The following CCDC88A variants were observed in gnomAD, a reference collection of about 807,000 sequenced individuals.
CCDC88A encodes the protein coiled-coil and HOOK domain protein 88A.
CCDC88A carries 54 observed loss-of-function variants against 234.3 expected under a neutral mutation model. The ratio of observed to expected loss-of-function variants is 0.23; its 90% CI spans 0.19 to 0.29. CCDC88A has a LOEUF of 0.29. CCDC88A is among the 10% of genes least tolerant of loss of function. The pLI is 1.00. For synonymous variants in CCDC88A, 753 were observed against 737.8 expected, an observed-to-expected ratio of 1.02 and a Z score of -0.33; for missense variants, 1,832 against 2,123.4, an observed-to-expected ratio of 0.86 and a Z score of 2.70.
At chr2:55,323,958 C>T (rs1355758413) in intron 17 of CCDC88A, 1 of 152,224 alleles carries the variant, frequency 6.6e-6, no homozygotes, top group Non-Finnish European at 1.5e-5. Flanking sequence ...GCTATCCACC[C>T]ACCTTGGCCT....
In CCDC88A at chr2:55,301,855, T is replaced by G. The variant is rs770742464; in HGVS notation, c.4672+17A>C. 1.9e-6 allele frequency: 3 copies of G among 1,608,672 alleles called. No homozygotes were observed. The highest frequency in any genetic ancestry group is 2.7e-5 in the African/African-American group (2 of 74,806). On this transcript the variant is annotated intron_variant, in intron 27 of 32. Transcript: ENST00000436346. The stretch of plus-strand genomic sequence containing the variant: ...GCCAACAATTACACCACAGTGCAAA[T>G]AGCAGACAGCCTATACCTTTATTAT...
At position 55,312,610 on chromosome 2, in the gene CCDC88A, C is replaced by G. The variant is rs376775770; in HGVS notation, c.3934-31G>C. The G allele has an allele frequency of 6.0e-6, 9 of 1,505,910 alleles. No individual in the cohort carries two copies. The East Asian group carries it at 2.0e-4, about 34-fold the overall frequency. The allele number at this position is 1,505,910 out of a possible 1,614,324, so 93.3% of individuals were successfully genotyped here. A position where few individuals can be genotyped will look rare whatever the true frequency, so the allele number is the denominator to read the frequency against. ...TAAACACAAACATTTTTTAAAAAATCAACATTTACATTTAACATAAATCAA... is the reference window on the plus strand; with the variant it reads ...TAAACACAAACATTTTTTAAAAAATGAACATTTACATTTAACATAAATCAA... On this transcript the variant is annotated intron_variant, in intron 22 of 32. Transcript: ENST00000436346.
At chr2:55,295,120 C>T (rs1222763737) in intron 31 of CCDC88A, 2 of 1,304,730 alleles carry the variant, frequency 1.5e-6, no homozygotes, top group Non-Finnish European at 2.0e-6. Context: ...ACCAACAATG[C>T]AGCTTCTGTG....
Position 55,289,860 on chromosome 2 carries a change from T to C in CCDC88A, c.*1340A>G, listed in dbSNP as rs1679327221. ...AACCCACAACTCATAAACCACACAC[T>C]ATGGAATATGGAATTATTCCAAAAA... is the stretch of plus-strand genomic sequence containing the variant. On this transcript the variant is annotated 3_prime_UTR_variant, in exon 33 of 33. Coordinates refer to ENST00000436346, the MANE Select transcript of CCDC88A (RefSeq NM_001365480.1). 1 of 152,152 alleles carries C rather than the reference T, an allele frequency of 6.6e-6. No individual in the cohort carries two copies. The highest frequency in any genetic ancestry group is 2.4e-5 in the African/African-American group (1 of 41,370). The allele number at this position is 152,152 out of a possible 1,614,324, so 9.4% of individuals were successfully genotyped here.
At chr2:55,306,119 G>A (rs941065002) in intron 25 of CCDC88A, 2 of 152,090 alleles carry the variant, frequency 1.3e-5, no homozygotes, top group Non-Finnish European at 2.9e-5. Context: ...GTTTCACCAT[G>A]TTGGCCAGGA....
intron 7 of CCDC88A, among the ~76,000 whole-genome samples, chr2:55,360,353 T>C (rs571515630): frequency 2.8e-4 from 42 of 152,328 alleles, no homozygotes; most frequent in African/African-American, 3.6e-4. Context: ...TTGAATGACA[T>C]AGAATTAGAT....
chr2:55,388,018 T>C (rs1390066301), intron 3 of CCDC88A, among the ~76,000 whole-genome samples: 1 of 152,080 alleles, frequency 6.6e-6, no homozygotes, highest in East Asian at 1.9e-4. Flanking sequence ...CTGTAAAAGA[T>C]TGGAACAATA....
intron 11 of CCDC88A, 138 bp from the exon 12 acceptor site, chr2:55,343,930 A>T (rs1413352729): frequency 2.9e-6 from 2 of 692,696 alleles, no homozygotes; most frequent in Non-Finnish European, 4.6e-6. Context: ...TCAGTTTTGA[A>T]GGCAATTATA....
At position 55,385,754 on chromosome 2, in the gene CCDC88A, G is replaced by A. The variant is rs186371098; in HGVS notation, c.273+3024C>T. 2.0e-5 allele frequency among the ~76,000 whole-genome samples: 3 copies of A among 148,254 alleles called. No homozygotes were observed. In the Admixed American group the frequency reaches 2.1e-4, roughly 10 times the overall value. On this transcript the variant is annotated intron_variant, in intron 3 of 32. Coordinates refer to ENST00000436346, the MANE Select transcript of CCDC88A (RefSeq NM_001365480.1). ...TGTAGTCTCAGCTACTCAGGGGCCTGAGGCAGGAGAATCCCTTGAATCCGG... is the reference window on the plus strand; with the variant it reads ...TGTAGTCTCAGCTACTCAGGGGCCTAAGGCAGGAGAATCCCTTGAATCCGG...
At chr2:55,418,102 A>C (rs973179671) in intron 2 of CCDC88A, 3 of 152,302 alleles carry the variant, frequency 2.0e-5, no homozygotes, top group Middle Eastern at 6.8e-3. Context: ...TCAAAAGCAT[A>C]CTTTCCTACT....
chr2:55,373,669 C>T (rs150672183), intron 4 of CCDC88A, among the ~76,000 whole-genome samples: 89 of 152,210 alleles, frequency 5.8e-4, no homozygotes, highest in African/African-American at 2.1e-3. Context: ...AATGTATGTA[C>T]GATGGGAAAC....
intron 10 of CCDC88A, 100 bp downstream of exon 10, chr2:55,346,075 C>A: frequency 1.3e-6 from 1 of 760,524 alleles, no homozygotes; most frequent in Non-Finnish European, 2.1e-6. Context: ...ACTGTTTGTT[C>A]ACCATTTCAA....
chr2:55,409,898 GC>G (rs1414979884), intron 2 of CCDC88A, among the ~76,000 whole-genome samples: 8 of 151,982 alleles, frequency 5.3e-5, no homozygotes, highest in Admixed American at 4.6e-4. Flanking sequence ...CCGCCAACAT[GC>G]CCTGCTAATT....
rs1385990904 is a variant in CCDC88A at position 55,335,792 on chromosome 2, T to C, written c.1657-628A>G. On this transcript the variant is annotated intron_variant, in intron 14 of 32. Transcript: ENST00000436346. This position sits in a 1 kb window ranked among gnomAD's most constrained non-coding sequence, Gnocchi z 4.5. ...CTCAACAAGCTTGGAAAAATGAAGA[T>C]TGAAGCTTAGTCTAGAATTTTGGTT... is the stretch of plus-strand genomic sequence containing the variant. Among the ~76,000 whole-genome samples the C allele has an allele frequency of 1.3e-5, 2 of 152,162 alleles. No homozygotes were observed. The highest frequency in any genetic ancestry group is 2.4e-5 in the African/African-American group (1 of 41,438).
chr2:55,294,641 A>C (rs1679810004), intron 31 of CCDC88A: 1 of 925,276 alleles, frequency 1.1e-6, no homozygotes, highest in Non-Finnish European at 1.3e-6. Flanking sequence ...AGAGCAAGTG[A>C]GGGGTGGGAA....
At chr2:55,294,328 A>T (rs1313471765) in intron 31 of CCDC88A, 4 of 983,906 alleles carry the variant, frequency 4.1e-6, no homozygotes, top group Non-Finnish European at 4.8e-6. Context: ...CAGAGAAGAA[A>T]CAATAAATAC....
rs150001862 is a variant in CCDC88A, at chr2:55,363,997, C to A, written c.439G>T (p.Gly147Cys). 1 of 1,594,042 alleles carries A rather than the reference C, an allele frequency of 6.3e-7. No homozygotes were observed. Among genetic ancestry groups the A allele is most frequent in the Non-Finnish European group, 8.6e-7 (1 of 1,166,900 alleles). ...GCTGCTTTTGTATCAAAATCTAAAC[C>A]TTGAATTCTTTCAATAAATTCCTCT... Reference protein sequence around the residue: ...KKEEFIERIQGLDFDTKAAVA... With the variant: ...KKEEFIERIQCLDFDTKAAVA... Residue 147 changes from glycine (G) to cysteine (C), a missense_variant, in exon 6 of 33, where the codon GGT becomes TGT. Around this residue, in one of 6 missense-constraint regions of CCDC88A, gnomAD observed 1,282 missense variants for 1,543.6 expected, o/e 0.83. Coordinates refer to ENST00000436346, the MANE Select transcript of CCDC88A (RefSeq NM_001365480.1).
intron 2 of CCDC88A, among the ~76,000 whole-genome samples, chr2:55,409,738 C>CTTTTTTTTTTTTT (rs61703330): frequency 1.8e-5 from 2 of 111,732 alleles, no homozygotes; most frequent in African/African-American, 4.2e-5. Flanking sequence ...ATATACCTCC[C>CTTTTTTTTTTTTT]TTTTTTTTTT....
At chr2:55,414,995 A>C (rs1476113624) in intron 2 of CCDC88A, among the ~76,000 whole-genome samples, 1 of 149,172 alleles carries the variant, frequency 6.7e-6, no homozygotes, top group African/African-American at 2.5e-5. Flanking sequence ...TGAACCCGGG[A>C]GGTAGAGCTT....
Sources: allele counts gnomAD v4.1 joint callset (sites outside exome capture counted in the v4.1 genomes callset), GRCh38; gene constraint gnomAD v4.1.1; regional missense constraint gnomAD v4.1.1; non-coding constraint Gnocchi (gnomAD v3.1); transcripts MANE v1.5; gene names NCBI Gene and HGNC (gene_info 2026-07-23, HGNC 2026-07-21).